The following FLRT2 variants were observed in gnomAD, a reference collection of about 807,000 sequenced individuals.
FLRT2 encodes the protein leucine-rich repeat transmembrane protein FLRT2.
A neutral mutation model predicts 40.0 loss-of-function variants in FLRT2; 15 were observed. That is an observed-to-expected ratio of 0.38 (90% CI 0.25 to 0.58). The LOEUF (loss-of-function observed/expected upper bound fraction) is 0.58, where lower values mean the gene tolerates loss of function less well. Among genes scored for constraint, FLRT2 ranks in the 20% least tolerant of loss-of-function variants. FLRT2 has a pLI of 0.71. For missense variants in FLRT2, 726 were observed against 840.0 expected, an observed-to-expected ratio of 0.86 and a Z score of 1.68; for synonymous variants, 380 against 336.8, an observed-to-expected ratio of 1.13 and a Z score of -1.41.
rs1224442998 is a variant in FLRT2, at chr14:85,622,292, C to T, written c.778C>T (p.Gln260Ter). The change falls in exon 2 of 2, where the codon CAG becomes TAG. Residue 260 changes from glutamine to a stop codon, truncating the protein, a stop_gained. Coordinates refer to ENST00000330753, the MANE Select transcript of FLRT2 (RefSeq NM_013231.6). LOFTEE classifies it high-confidence loss of function. ...PGTHLIRLYL[Q>*]DNQINHIPLT... Reference sequence around the variant, plus strand: ...TACGCATCTGATCAGGCTCTATTTGCAGGACAACCAGATAAACCACATTCC... The same window carrying T: ...TACGCATCTGATCAGGCTCTATTTGTAGGACAACCAGATAAACCACATTCC... 6.2e-7 allele frequency: 1 copy of T among 1,614,108 alleles called. No individual in the cohort carries two copies. Among genetic ancestry groups the T allele is most frequent in the East Asian group, 2.2e-5 (1 of 44,864 alleles).
chr14:85,599,502 C>T (rs909328528), intron 1 of FLRT2, among the ~76,000 whole-genome samples: 2 of 152,110 alleles, frequency 1.3e-5, no homozygotes, highest in African/African-American at 4.8e-5. Flanking sequence ...AAATTACTTT[C>T]CAGTAATTTC....
chr14:85,539,572 C>T (rs1888864107), intron 1 of FLRT2, among the ~76,000 whole-genome samples: 1 of 152,076 alleles, frequency 6.6e-6, no homozygotes, highest in South Asian at 2.1e-4. Flanking sequence ...CCTACATTCT[C>T]ATGTCAGCAT....
intron 1 of FLRT2, among the ~76,000 whole-genome samples, chr14:85,608,202 C>T (rs1234891355): frequency 1.3e-5 from 2 of 151,996 alleles, no homozygotes; most frequent in Non-Finnish European, 2.9e-5. Flanking sequence ...AGTCCACTGC[C>T]TCTCATGTGT....
At chr14:85,589,758 CT>C (rs1218895219) in intron 1 of FLRT2, among the ~76,000 whole-genome samples, 2 of 152,092 alleles carry the variant, frequency 1.3e-5, no homozygotes, top group Non-Finnish European at 2.9e-5. Context: ...AGATTTAAGT[CT>C]TTGATAGATT....
At chr14:85,579,909 T>C (rs1891307403) in intron 1 of FLRT2, among the ~76,000 whole-genome samples, 1 of 147,976 alleles carries the variant, frequency 6.8e-6, no homozygotes, top group African/African-American at 2.5e-5. Flanking sequence ...GGTCATTCCA[T>C]GCACAGGGTA....
Position 85,645,278 on chromosome 14 carries a change from A to G in FLRT2, c.*21781A>G, listed in dbSNP as rs1894269954. The G allele has an allele frequency of 6.9e-6, 1 of 144,360 alleles. No homozygotes were observed. Among genetic ancestry groups the G allele is most frequent in the Non-Finnish European group, 1.5e-5 (1 of 67,916 alleles). 8.9% of individuals were successfully genotyped at this position (144,360 alleles called of 1,614,324 possible). ...TGTATATATGTATACATGTGTATAT[A>G]TGTATATACATATATGTATATAGAA... is the stretch of plus-strand genomic sequence containing the variant. On this transcript the variant is annotated 3_prime_UTR_variant, in exon 2 of 2. Transcript: ENST00000330753.
In FLRT2 at chr14:85,652,925, A is replaced by G. The variant is rs1329853732; in HGVS notation, c.*29428A>G. 1 of 152,146 alleles carries G rather than the reference A, an allele frequency of 6.6e-6. No individual in the cohort carries two copies. Among genetic ancestry groups the G allele is most frequent in the African/African-American group, 2.4e-5 (1 of 41,434 alleles). The allele number at this position is 152,146 out of a possible 1,614,324, so 9.4% of individuals were successfully genotyped here. ...GAACTCTGAGGTTATAGAACTGTGAACTTTTCGATTTGTTCGGCTTGGGGA... is the reference window on the plus strand; with the variant it reads ...GAACTCTGAGGTTATAGAACTGTGAGCTTTTCGATTTGTTCGGCTTGGGGA... On this transcript the variant is annotated 3_prime_UTR_variant, in exon 2 of 2. Transcript: ENST00000330753.
At chr14:85,606,982 A>G (rs1050540192) in intron 1 of FLRT2, among the ~76,000 whole-genome samples, 4 of 151,422 alleles carry the variant, frequency 2.6e-5, no homozygotes, top group African/African-American at 7.3e-5. Context: ...TGACATTTTA[A>G]TACTACAGAT....
At position 85,641,035 on chromosome 14, in the gene FLRT2, A is replaced by G. The variant is rs1894137002; in HGVS notation, c.*17538A>G. On this transcript the variant is annotated 3_prime_UTR_variant, in exon 2 of 2. Transcript: ENST00000330753. ...TGTACTACATCTAGTGCATTTCTCC[A>G]TAATGTGGGTGGCAATTATTCTAAT... The G allele has an allele frequency of 6.6e-6, 1 of 152,214 alleles. No homozygotes were observed. The allele number at this position is 152,214 out of a possible 1,614,324, so 9.4% of individuals were successfully genotyped here.
intron 1 of FLRT2, among the ~76,000 whole-genome samples, chr14:85,543,008 A>C (rs530969746): frequency 6.6e-6 from 1 of 152,334 alleles, no homozygotes; most frequent in South Asian, 2.1e-4. Flanking sequence ...AGCTGGTTAG[A>C]AATACAGATT....
intron 1 of FLRT2, among the ~76,000 whole-genome samples, chr14:85,578,864 G>T (rs529744935): frequency 6.6e-6 from 1 of 152,222 alleles, no homozygotes; most frequent in East Asian, 1.9e-4. Context: ...GACCTGGATG[G>T]CCATCCCTGC....
In FLRT2 at chr14:85,622,923, T is replaced by C. The variant is rs1178681428; in HGVS notation, c.1409T>C (p.Ile470Thr). ...SLVGGIVQER[I>T]VSGEKQHLSL... Reference sequence around the variant, plus strand: ...GTAGGGGGCATCGTTCAGGAGCGCATAGTCAGCGGTGAGAAGCAACACCTG... The same window carrying C: ...GTAGGGGGCATCGTTCAGGAGCGCACAGTCAGCGGTGAGAAGCAACACCTG... The change falls in exon 2 of 2, where the codon ATA becomes ACA. Residue 470 changes from isoleucine (I) to threonine (T), a missense_variant. By Grantham distance (89) the Ile-to-Thr change is moderately conservative. This residue lies in a region of FLRT2 where 611 missense variants were observed against 690.0 expected (regional missense o/e 0.89). Coordinates refer to ENST00000330753, the MANE Select transcript of FLRT2 (RefSeq NM_013231.6). 1.9e-6 allele frequency: 3 copies of C among 1,614,036 alleles called. No homozygotes were observed. The highest frequency in any genetic ancestry group is 1.1e-5 in the South Asian group (1 of 91,090).
intron 1 of FLRT2, among the ~76,000 whole-genome samples, chr14:85,550,625 T>A (rs1403586061): frequency 1.3e-5 from 2 of 152,236 alleles, no homozygotes; most frequent in Non-Finnish European, 2.9e-5. Flanking sequence ...TCCTTTCTGA[T>A]TCTTGGAGAG....
At chr14:85,602,535 G>A (rs1182237232) in intron 1 of FLRT2, among the ~76,000 whole-genome samples, 10 of 152,216 alleles carry the variant, frequency 6.6e-5, no homozygotes, top group Non-Finnish European at 5.9e-5. Context: ...AAAGCCAAGT[G>A]TGAGCTTTCA....
At chr14:85,580,294 G>T (rs1891325747) in intron 1 of FLRT2, among the ~76,000 whole-genome samples, 1 of 152,020 alleles carries the variant, frequency 6.6e-6, no homozygotes, top group African/African-American at 2.4e-5. Context: ...AGGTACTGTT[G>T]GTGTTGCAAG....
rs4015970 is a variant in FLRT2, at chr14:85,579,925, A to ATTTTT, written c.-376-41195_-376-41191dup. ...GTCATTCCATGCACAGGGTATTAGA[A>ATTTTT]TTTTTTTTTTTTTTTTTTTTTTTAA... On this transcript the variant is annotated intron_variant, in intron 1 of 1. Coordinates refer to ENST00000330753, the MANE Select transcript of FLRT2 (RefSeq NM_013231.6). Among the ~76,000 whole-genome samples, 73 of 117,548 alleles carry ATTTTT rather than the reference A, an allele frequency of 6.2e-4. 2 individuals carry two copies. The highest frequency in any genetic ancestry group is 2.9e-3 in the East Asian group (11 of 3,782). 77.1% of individuals were successfully genotyped at this position (117,548 alleles called of 152,430 possible). A position where few individuals can be genotyped will look rare whatever the true frequency, so the allele number is the denominator to read the frequency against.
chr14:85,631,058 CCTT>C lies in FLRT2; in HGVS notation c.*7563_*7565del, dbSNP rs1413840495. The C allele has an allele frequency of 7.5e-6, 1 of 132,618 alleles. No individual in the cohort carries two copies. Among genetic ancestry groups the C allele is most frequent in the African/African-American group, 3.1e-5 (1 of 32,666 alleles). 8.2% of individuals were successfully genotyped at this position (132,618 alleles called of 1,614,324 possible). ...ACATTTCTTACCAATATTGCCTCCT[CCTT>C]CATTACATGCTCTAGATTATATATA... is the stretch of plus-strand genomic sequence containing the variant. On this transcript the variant is annotated 3_prime_UTR_variant, in exon 2 of 2. Transcript: ENST00000330753.
chr14:85,566,549 T>TGTGTGTGTGTGTGTGTGTG (rs1890621506), intron 1 of FLRT2, among the ~76,000 whole-genome samples: 2 of 130,826 alleles, frequency 1.5e-5, no homozygotes, highest in Non-Finnish European at 3.5e-5. Context: ...ACTTCCATGG[T>TGTGTGTGTGTGTGTGTGTG]TGTGTGTGTG....
rs184338215 is a variant in FLRT2, at chr14:85,586,780, A to G, written c.-376-34359A>G. ...TTAGGTTTCTGTTTTAGCAACTGAA[A>G]TTTTAACGCCATTCAGGCAAATTCT... is the stretch of plus-strand genomic sequence containing the variant. On this transcript the variant is annotated intron_variant, in intron 1 of 1. Transcript: ENST00000330753. Among the ~76,000 whole-genome samples the G allele has an allele frequency of 3.3e-5, 5 of 152,338 alleles. No individual in the cohort carries two copies. In the East Asian group the frequency reaches 9.6e-4, roughly 29 times the overall value.
Sources: gnomAD v4.1 joint callset for allele counts (sites outside exome capture counted in the v4.1 genomes callset) on GRCh38, gnomAD v4.1.1 for gene constraint, gnomAD v4.1.1 regional missense constraint, MANE v1.5 for transcripts, NCBI Gene and HGNC (gene_info 2026-07-23, HGNC 2026-07-21) for gene names.